CCSER1: variants seen among roughly 807,000 people sequenced by gnomAD.
CCSER1 encodes coiled-coil serine rich protein 1.
Under a neutral mutation model 82.0 loss-of-function variants are expected in CCSER1, and 41 were observed. The observed-to-expected ratio is 0.50, with a 90% CI of 0.39 to 0.65. The LOEUF is 0.65. Ranked by LOEUF, CCSER1 falls within the 30% of genes least tolerant of loss-of-function variation. CCSER1 has a pLI of 0.00. For synonymous variants in CCSER1, 414 were observed against 383.9 expected (o/e 1.08, Z -0.92); for missense variants, 1,119 against 1,064.2 (o/e 1.05, Z -0.72).
At chr4:90,640,293 T>G (rs1244844600) in intron 6 of CCSER1, among the ~76,000 whole-genome samples, 1 of 152,094 alleles carries the variant, frequency 6.6e-6, no homozygotes, top group Admixed American at 6.6e-5. Flanking sequence ...ATGGCATTGG[T>G]CTATGAATGT....
chr4:90,321,677 T>C (rs1299430993), intron 3 of CCSER1, among the ~76,000 whole-genome samples: 1 of 152,172 alleles, frequency 6.6e-6, no homozygotes, highest in Non-Finnish European at 1.5e-5. Context: ...TACCTTTTCA[T>C]CAACAGTGTA....
At chr4:91,129,458 G>T (rs1727813292) in intron 10 of CCSER1, among the ~76,000 whole-genome samples, 1 of 116,326 alleles carries the variant, frequency 8.6e-6, no homozygotes, top group Non-Finnish European at 1.8e-5. Context: ...CTGAAATTTA[G>T]ATATTTAACT....
intron 1 of CCSER1, among the ~76,000 whole-genome samples, chr4:90,225,745 T>A (rs1743045411): frequency 1.3e-5 from 2 of 152,204 alleles, no homozygotes; most frequent in Non-Finnish European, 2.9e-5. Flanking sequence ...GCTGTTTTCC[T>A]CATTTTTGTC....
intron 6 of CCSER1, among the ~76,000 whole-genome samples, chr4:90,634,479 A>C (rs1725074172): frequency 6.6e-6 from 1 of 151,814 alleles, no homozygotes; most frequent in African/African-American, 2.4e-5. Flanking sequence ...TTACATTATA[A>C]AATTTACAGT....
At chr4:90,439,999 G>C (rs1759621312) in intron 4 of CCSER1, among the ~76,000 whole-genome samples, 1 of 151,618 alleles carries the variant, frequency 6.6e-6, no homozygotes, top group Admixed American at 6.6e-5. Context: ...GTAATGTTTT[G>C]TTATTTTATT....
chr4:90,470,404 G>C (rs544361498), intron 5 of CCSER1, among the ~76,000 whole-genome samples: 1 of 152,260 alleles, frequency 6.6e-6, no homozygotes, highest in East Asian at 1.9e-4. Context: ...GGCAAGAACA[G>C]AGTATAAATG....
chr4:91,371,351 C>T (rs1750034099), intron 10 of CCSER1, among the ~76,000 whole-genome samples: 1 of 149,544 alleles, frequency 6.7e-6, no homozygotes, highest in Admixed American at 6.7e-5. Context: ...CATCTTTCTA[C>T]TCTGTCCCCA....
chr4:91,158,790 C>G (rs527575280), intron 10 of CCSER1, among the ~76,000 whole-genome samples: 1 of 152,046 alleles, frequency 6.6e-6, no homozygotes, highest in African/African-American at 2.4e-5. Context: ...TTCCTTATTT[C>G]TGGCTCAATC....
At chr4:90,858,574 A>C (rs1178504711) in intron 8 of CCSER1, among the ~76,000 whole-genome samples, 5 of 151,946 alleles carry the variant, frequency 3.3e-5, no homozygotes, top group African/African-American at 1.2e-4. Context: ...TTCAATTATT[A>C]ATATGGAGAA....
At chr4:91,481,444 A>G (rs1196751359) in intron 10 of CCSER1, among the ~76,000 whole-genome samples, 1 of 152,086 alleles carries the variant, frequency 6.6e-6, no homozygotes, top group Non-Finnish European at 1.5e-5. Context: ...GACACAAATC[A>G]GGTTGGTTGA....
intron 3 of CCSER1, among the ~76,000 whole-genome samples, chr4:90,365,231 T>C (rs1314048550): frequency 6.6e-6 from 1 of 151,924 alleles, no homozygotes; most frequent in African/African-American, 2.4e-5. Flanking sequence ...ATTTAAAGCA[T>C]AATACATAAG....
chr4:91,524,410 G>A (rs1760667421), intron 10 of CCSER1, among the ~76,000 whole-genome samples: 1 of 152,130 alleles, frequency 6.6e-6, no homozygotes, highest in South Asian at 2.1e-4. Flanking sequence ...AGTTCAGAAG[G>A]ATAAAGACAC....
intron 10 of CCSER1, among the ~76,000 whole-genome samples, chr4:91,347,911 C>A (rs946322169): frequency 6.6e-6 from 1 of 151,404 alleles, no homozygotes; most frequent in Non-Finnish European, 1.5e-5. Flanking sequence ...AATCATGTCA[C>A]CACCTTAAAA....
At chr4:90,440,023 A>G (rs2153572010) in intron 4 of CCSER1, among the ~76,000 whole-genome samples, 1 of 151,784 alleles carries the variant, frequency 6.6e-6, no homozygotes, top group Admixed American at 6.6e-5. Flanking sequence ...TTTTTTAGAC[A>G]GAATCTTGCT....
chr4:90,347,349 C>CTATCTATCTATCTATCT lies in CCSER1; in HGVS notation c.1509+34305_1509+34306insCTATCTATCTATCTTAT, dbSNP rs927582206. ...TCTATCTATCTATCTATCTATCTAT[C>CTATCTATCTATCTATCT]TATATACTTTATTGGTAGAATAGAA... On this transcript the variant is annotated intron_variant, in intron 3 of 10. Transcript: ENST00000509176. Among the ~76,000 whole-genome samples, 3 of 151,252 alleles carry CTATCTATCTATCTATCT rather than the reference C, an allele frequency of 2.0e-5. No individual in the cohort carries two copies. The East Asian group carries it at 5.8e-4, about 29-fold the overall frequency.
intron 9 of CCSER1, among the ~76,000 whole-genome samples, chr4:91,032,342 A>G (rs1289909796): frequency 6.6e-6 from 1 of 152,180 alleles, no homozygotes; most frequent in Non-Finnish European, 1.5e-5. Flanking sequence ...TTCAAGGAAA[A>G]TTGAAGCATC....
chr4:90,310,930 G>T (rs1220647236), intron 2 of CCSER1, among the ~76,000 whole-genome samples: 1 of 151,902 alleles, frequency 6.6e-6, no homozygotes, highest in Non-Finnish European at 1.5e-5. Context: ...GACCATGTTT[G>T]TCCATTTTTG....
At chr4:90,858,685 T>G (rs1764728560) in intron 8 of CCSER1, among the ~76,000 whole-genome samples, 1 of 151,928 alleles carries the variant, frequency 6.6e-6, no homozygotes. Flanking sequence ...CTTTACCACG[T>G]CTATGGTCAC....
At chr4:91,594,188 G>T (rs1237425198) in intron 10 of CCSER1, among the ~76,000 whole-genome samples, 1 of 151,728 alleles carries the variant, frequency 6.6e-6, no homozygotes, top group African/African-American at 2.4e-5. Flanking sequence ...TACCTTCAGG[G>T]ATCTCAAATT....
Sources: allele counts gnomAD v4.1 joint callset (sites outside exome capture counted in the v4.1 genomes callset), GRCh38; gene constraint gnomAD v4.1.1; transcripts MANE v1.5; gene names NCBI Gene and HGNC (gene_info 2026-07-23, HGNC 2026-07-21).